Variants in PLEKHM1 observed in about 807,000 individuals in gnomAD.
PLEKHM1 encodes the protein pleckstrin homology domain-containing family M member 1.
A neutral mutation model predicts 94.3 loss-of-function variants in PLEKHM1; 28 were observed. That is an observed-to-expected ratio of 0.30 (90% confidence interval 0.22 to 0.41). The LOEUF is 0.41. Ranked by LOEUF, PLEKHM1 falls within the 10% of genes least tolerant of loss-of-function variation. PLEKHM1 has a pLI of 1.00. For synonymous variants in PLEKHM1, 424 were observed against 581.2 expected, an observed-to-expected ratio of 0.73 and a Z score of 3.89; for missense variants, 907 against 1,358.6, an observed-to-expected ratio of 0.67 and a Z score of 5.22.
intron 1 of PLEKHM1, among the ~76,000 whole-genome samples, chr17:45,486,124 G>C (rs2052107842): frequency 6.7e-6 from 1 of 149,984 alleles, no homozygotes; most frequent in Non-Finnish European, 1.5e-5. Flanking sequence ...GGCTGAGGCA[G>C]GAGAATGGCG....
At chr17:45,470,358 AT>A in intron 4 of PLEKHM1, among the ~76,000 whole-genome samples, 1 of 152,382 alleles carries the variant, frequency 6.6e-6, no homozygotes, top group Non-Finnish European at 1.5e-5. Context: ...TAAGAAAGCA[AT>A]AAAAAATAAA....
At chr17:45,484,689 CAG>C (rs1177229863) in intron 1 of PLEKHM1, among the ~76,000 whole-genome samples, 1 of 152,186 alleles carries the variant, frequency 6.6e-6, no homozygotes, top group Non-Finnish European at 1.5e-5. Flanking sequence ...GAATATTTAA[CAG>C]AGTTTGGCTT....
At chr17:45,438,059 G>C in intron 11 of PLEKHM1, 90 bp from the exon 12 acceptor site, 1 of 923,102 alleles carries the variant, frequency 1.1e-6, no homozygotes. Flanking sequence ...CAGAACCCAC[G>C]ATACGGCTGT....
intron 5 of PLEKHM1, among the ~76,000 whole-genome samples, chr17:45,462,023 G>A (rs2051166485): frequency 1.3e-5 from 2 of 152,106 alleles, no homozygotes; most frequent in Non-Finnish European, 2.9e-5. Context: ...TTTGTTAAGT[G>A]CCACTAACCT....
intron 4 of PLEKHM1, among the ~76,000 whole-genome samples, chr17:45,470,847 T>C (rs1261652386): frequency 6.6e-6 from 1 of 151,466 alleles, no homozygotes; most frequent in Non-Finnish European, 1.5e-5. Flanking sequence ...GTTTTTTTTT[T>C]AGTAGAGATG....
chr17:45,450,353 TTA>T (rs2050742511), intron 8 of PLEKHM1, among the ~76,000 whole-genome samples: 1 of 152,222 alleles, frequency 6.6e-6, no homozygotes. Context: ...CCTTAAGCAG[TTA>T]TGTTTGTAGC....
Position 45,468,194 on chromosome 17 carries a change from G to A in PLEKHM1, c.1308+15C>T. ...ATTTCCCAAGACTGCCCCCTGAACG[G>A]CTTGCACCACTCACCGGACTGGTGG... is the stretch of plus-strand genomic sequence containing the variant. On this transcript the variant is annotated intron_variant, in intron 5 of 11. Coordinates refer to ENST00000430334, the MANE Select transcript of PLEKHM1 (RefSeq NM_014798.3). 1 of 1,612,812 alleles carries A rather than the reference G, an allele frequency of 6.2e-7. No homozygotes were observed. Among genetic ancestry groups the A allele is most frequent in the South Asian group, 1.1e-5 (1 of 90,984 alleles).
intron 5 of PLEKHM1, chr17:45,464,159 G>C (rs533422416): frequency 6.6e-6 from 1 of 152,300 alleles, no homozygotes; most frequent in Non-Finnish European, 1.5e-5. Context: ...CATCACCCTT[G>C]AGAGGCCCCT....
intron 1 of PLEKHM1, among the ~76,000 whole-genome samples, chr17:45,489,206 C>G (rs2052225580): frequency 6.6e-6 from 1 of 152,206 alleles, no homozygotes; most frequent in Non-Finnish European, 1.5e-5. Flanking sequence ...CTGTACCCAC[C>G]TAGGCCTCAG....
chr17:45,448,831 T>C (rs1255219693), intron 8 of PLEKHM1, among the ~76,000 whole-genome samples: 1 of 152,106 alleles, frequency 6.6e-6, no homozygotes, highest in Non-Finnish European at 1.5e-5. Context: ...AAGATACATC[T>C]TATTCAAAAG....
Position 45,454,007 on chromosome 17 carries a change from G to A in PLEKHM1, c.1845C>T (p.Asp615=). The part of the protein sequence containing the change: ...LRASSQDEAE[D]WLDRVREALQ... ...GGGCCTCCCGCACCCGGTCCAGCCA[G>A]TCCTCAGCTTCGTCCTGGGAGGAGG... The change falls in exon 7 of 12, where the codon GAC becomes GAT. Residue 615 remains aspartate (D), a synonymous_variant. Transcript: ENST00000430334. The A allele has an allele frequency of 6.2e-7, 1 of 1,614,094 alleles. No homozygotes were observed. Among genetic ancestry groups the A allele is most frequent in the Non-Finnish European group, 8.5e-7 (1 of 1,179,950 alleles).
At chr17:45,468,654 C>G in intron 4 of PLEKHM1, 61 bp from the exon 5 acceptor site, 1 of 1,563,612 alleles carries the variant, frequency 6.4e-7, no homozygotes, top group Non-Finnish European at 8.8e-7. Flanking sequence ...CCCAAGGCAA[C>G]TGGGGCAGAG....
rs1360962890 is a variant in PLEKHM1, at chr17:45,445,225, G to T, written c.2837+245C>A. Among the ~76,000 whole-genome samples the T allele has an allele frequency of 6.6e-6, 1 of 152,262 alleles. No individual in the cohort carries two copies. Among genetic ancestry groups the T allele is most frequent in the East Asian group, 1.9e-4 (1 of 5,198 alleles). On this transcript the variant is annotated intron_variant, in intron 9 of 11. Coordinates refer to ENST00000430334, the MANE Select transcript of PLEKHM1 (RefSeq NM_014798.3). This position sits in a 1 kb window ranked among gnomAD's most constrained non-coding sequence, Gnocchi z 4.2. Reference sequence around the variant, plus strand: ...TCTCTGCCCAGGTTTCCTCCAGGTGGACGCCTTGCCCTGGGCACTGCCCCT... The same window carrying T: ...TCTCTGCCCAGGTTTCCTCCAGGTGTACGCCTTGCCCTGGGCACTGCCCCT...
intron 11 of PLEKHM1, 97 bp from the exon 12 acceptor site, chr17:45,438,066 C>A: frequency 1.2e-6 from 1 of 837,256 alleles, no homozygotes; most frequent in Admixed American, 1.9e-5. Flanking sequence ...CACGATACGG[C>A]TGTGATGTAC....
intron 7 of PLEKHM1, chr17:45,452,895 G>A: frequency 4.0e-6 from 1 of 249,992 alleles, no homozygotes; most frequent in Middle Eastern, 1.6e-3. Flanking sequence ...ACAGATCTAG[G>A]ACATTTTCAT....
chr17:45,435,130 C>T (rs149051047), downstream of PLEKHM1, among the ~76,000 whole-genome samples: 16 of 152,276 alleles, frequency 1.1e-4, no homozygotes, highest in East Asian at 1.9e-3. Flanking sequence ...TTCTCTTCTC[C>T]GGGCCTACCA....
intron 11 of PLEKHM1, 69 bp from the exon 12 acceptor site, chr17:45,438,038 G>C (rs2050323781): frequency 8.2e-7 from 1 of 1,212,806 alleles, no homozygotes; most frequent in African/African-American, 1.5e-5. Context: ...ACGCTGGCCA[G>C]CCCTTTTGAC....
chr17:45,447,120 A>G (rs1295484485), intron 8 of PLEKHM1, among the ~76,000 whole-genome samples: 1 of 152,320 alleles, frequency 6.6e-6, no homozygotes, highest in East Asian at 1.9e-4. Flanking sequence ...GTGAGCTGCT[A>G]TCAGCTGCTG....
intron 10 of PLEKHM1, 41 bp downstream of exon 10, chr17:45,440,122 T>C (rs2050399321): frequency 6.4e-7 from 1 of 1,569,890 alleles, no homozygotes; most frequent in African/African-American, 1.4e-5. Flanking sequence ...GGGAATGAAG[T>C]CTCTCTAGAG....
Sources: allele counts gnomAD v4.1 joint callset (sites outside exome capture counted in the v4.1 genomes callset), GRCh38; gene constraint gnomAD v4.1.1; non-coding constraint Gnocchi (gnomAD v3.1); transcripts MANE v1.5; gene names NCBI Gene and HGNC (gene_info 2026-07-23, HGNC 2026-07-21).